Variants in PDE4D observed in about 807,000 individuals in gnomAD.
PDE4D encodes the protein phosphodiesterase 4D, also known as 3',5'-cyclic-AMP phosphodiesterase 4D.
PDE4D carries 24 observed loss-of-function variants against 87.4 expected under a neutral mutation model. The ratio of observed to expected loss-of-function variants is 0.27; its 90% CI spans 0.20 to 0.39. PDE4D has a LOEUF of 0.39. PDE4D is among the 10% of genes least tolerant of loss of function. The pLI, the probability that PDE4D is intolerant of heterozygous loss-of-function variation, is 1.00. For synonymous variants in PDE4D, 384 were observed against 383.2 expected (o/e 1.00, Z -0.02); for missense variants, 714 against 1,041.0 (o/e 0.69, Z 4.32).
At chr5:59,471,175 G>C (rs2153651697) in intron 1 of PDE4D, among the ~76,000 whole-genome samples, 1 of 152,266 alleles carries the variant, frequency 6.6e-6, no homozygotes, top group East Asian at 1.9e-4. Context: ...AGCCCAGGAA[G>C]TCAAGGCTAC....
chr5:60,441,905 A>G (rs1242954108), intron 1 of PDE4D, among the ~76,000 whole-genome samples: 2 of 152,188 alleles, frequency 1.3e-5, no homozygotes, highest in African/African-American at 4.8e-5. Flanking sequence ...ATCTCATGCC[A>G]ATTAGAATAG....
chr5:59,330,583 T>C (rs1158746767), intron 1 of PDE4D, among the ~76,000 whole-genome samples: 1 of 152,226 alleles, frequency 6.6e-6, no homozygotes, highest in Admixed American at 6.5e-5. Flanking sequence ...CTGAAGTATC[T>C]GACTTACTGG....
intron 1 of PDE4D, among the ~76,000 whole-genome samples, chr5:60,297,087 T>C (rs188958670): frequency 6.6e-6 from 1 of 152,292 alleles, no homozygotes; most frequent in Admixed American, 6.5e-5. Flanking sequence ...ACTTAAAGTA[T>C]AATTTATAAA....
intron 1 of PDE4D, among the ~76,000 whole-genome samples, chr5:59,417,539 T>G: frequency 7.0e-6 from 1 of 142,424 alleles, no homozygotes; most frequent in East Asian, 2.0e-4. Flanking sequence ...AGCTGTTACC[T>G]TTTTTTTTTT....
At chr5:60,261,802 T>C (rs1430512463) in intron 1 of PDE4D, among the ~76,000 whole-genome samples, 1 of 152,120 alleles carries the variant, frequency 6.6e-6, no homozygotes, top group East Asian at 1.9e-4. Flanking sequence ...ATTACCAATC[T>C]CCTGGGCCAC....
chr5:59,406,233 C>T (rs996010621), intron 1 of PDE4D, among the ~76,000 whole-genome samples: 5 of 152,026 alleles, frequency 3.3e-5, no homozygotes, highest in East Asian at 1.9e-4. Flanking sequence ...TTTTGGATTT[C>T]GTCATGGTTA....
At chr5:59,371,639 C>T (rs957694079) in intron 1 of PDE4D, among the ~76,000 whole-genome samples, 1 of 152,064 alleles carries the variant, frequency 6.6e-6, no homozygotes, top group African/African-American at 2.4e-5. Context: ...GGAAGTGAAC[C>T]TACTATAGAT....
chr5:59,107,683 G>A (rs1375332716), intron 5 of PDE4D, among the ~76,000 whole-genome samples: 1 of 152,236 alleles, frequency 6.6e-6, no homozygotes, highest in East Asian at 1.9e-4. Flanking sequence ...GTGGAGGGAG[G>A]AATATGCTGT....
At chr5:59,587,678 C>T (rs1825369650) in intron 1 of PDE4D, 6 of 946,462 alleles carry the variant, frequency 6.3e-6, no homozygotes, top group Non-Finnish European at 7.6e-6. Context: ...GATGTGCTGG[C>T]GTCAAGGGGG....
chr5:60,246,069 CT>C (rs1188180977), intron 1 of PDE4D, among the ~76,000 whole-genome samples: 3 of 151,742 alleles, frequency 2.0e-5, no homozygotes, highest in Non-Finnish European at 4.4e-5. Flanking sequence ...ATATATACAT[CT>C]ACTATGTAGC....
chr5:59,649,932 T>TTTTTTTTTTTTTTTTTTTTG (rs1219411329), intron 1 of PDE4D, among the ~76,000 whole-genome samples: 3 of 141,836 alleles, frequency 2.1e-5, no homozygotes, highest in East Asian at 2.0e-4. Context: ...TTTTTTTTTT[T>TTTTTTTTTTTTTTTTTTTTG]AGCAATGACC....
intron 3 of PDE4D, among the ~76,000 whole-genome samples, chr5:59,899,504 G>A (rs1300240500): frequency 6.6e-6 from 1 of 151,592 alleles, no homozygotes; most frequent in Non-Finnish European, 1.5e-5. Flanking sequence ...ATATGCTTAA[G>A]TGGTAAATAT....
In PDE4D at chr5:60,472,038, G is replaced by A. The variant is rs566433646; in HGVS notation, c.-90+15904C>T. Among the ~76,000 whole-genome samples, 20 of 152,140 alleles carry A rather than the reference G, an allele frequency of 1.3e-4. 1 individual carries two copies. The South Asian group carries it at 4.2e-3, about 32-fold the overall frequency. ...TTTGGGCAAACCATGTAACACCTGA[G>A]TCCCAATTAGCAATAATAATAATAG... On this transcript the variant is annotated intron_variant, in intron 1 of 16. Transcript: ENST00000502484.
chr5:59,553,087 G>A (rs541084763), intron 1 of PDE4D, among the ~76,000 whole-genome samples: 4 of 152,104 alleles, frequency 2.6e-5, no homozygotes, highest in South Asian at 2.1e-4. Context: ...GACAGATATC[G>A]CTTTGTCAAG....
At chr5:59,509,658 A>G (rs1331830213) in intron 1 of PDE4D, among the ~76,000 whole-genome samples, 1 of 151,070 alleles carries the variant, frequency 6.6e-6, no homozygotes, top group African/African-American at 2.4e-5. Context: ...TTATTATTAA[A>G]ATAATAGAAT....
At chr5:59,153,422 C>T (rs1779725813) in intron 5 of PDE4D, among the ~76,000 whole-genome samples, 1 of 152,182 alleles carries the variant, frequency 6.6e-6, no homozygotes, top group African/African-American at 2.4e-5. Flanking sequence ...TCATTCTGCT[C>T]AGAGGGCTGA....
intron 1 of PDE4D, among the ~76,000 whole-genome samples, chr5:60,399,417 T>C (rs1227619303): frequency 1.3e-5 from 2 of 152,250 alleles, no homozygotes; most frequent in African/African-American, 4.8e-5. Flanking sequence ...TGTGGCCTTC[T>C]GGTATCTGAA....
chr5:60,299,854 A>G (rs1753737934), intron 1 of PDE4D, among the ~76,000 whole-genome samples: 1 of 152,156 alleles, frequency 6.6e-6, no homozygotes, highest in Non-Finnish European at 1.5e-5. Flanking sequence ...TAGTGCTGTG[A>G]TGAACATACA....
intron 1 of PDE4D, among the ~76,000 whole-genome samples, chr5:59,602,164 G>C (rs749029448): frequency 1.3e-5 from 2 of 151,890 alleles, no homozygotes; most frequent in Non-Finnish European, 2.9e-5. Context: ...AACAAAGGAC[G>C]AAAACTATAT....
Sources: allele counts gnomAD v4.1 joint callset (sites outside exome capture counted in the v4.1 genomes callset), GRCh38; gene constraint gnomAD v4.1.1; transcripts MANE v1.5; gene names NCBI Gene and HGNC (gene_info 2026-07-23, HGNC 2026-07-21).